Variants in CPEB3 observed in about 807,000 individuals in gnomAD.
The protein encoded by CPEB3 is cytoplasmic polyadenylation element binding protein 3.
CPEB3 carries 20 observed loss-of-function variants against 67.2 expected under a neutral mutation model. The ratio of observed to expected loss-of-function variants is 0.30; its 90% CI spans 0.21 to 0.43. The LOEUF (loss-of-function observed/expected upper bound fraction) is 0.43. Among genes scored for constraint, CPEB3 ranks in the 20% least tolerant of loss-of-function variants. The pLI is 1.00. For synonymous variants in CPEB3, 376 were observed against 393.1 expected (o/e 0.96, Z 0.51); for missense variants, 746 against 968.6 (o/e 0.77, Z 3.05).
intron 3 of CPEB3, among the ~76,000 whole-genome samples, chr10:92,182,261 C>T (rs1003623678): frequency 6.6e-6 from 1 of 152,164 alleles, no homozygotes; most frequent in Admixed American, 6.5e-5. Flanking sequence ...TTGATTTTTA[C>T]AACATACACA....
At chr10:92,198,450 A>G (rs1849345458) in intron 2 of CPEB3, among the ~76,000 whole-genome samples, 1 of 152,172 alleles carries the variant, frequency 6.6e-6, no homozygotes, top group Admixed American at 6.5e-5. Context: ...CTACCTCTAT[A>G]CAATCCCAGG....
At chr10:92,283,380 AT>A (rs1564932025) in intron 1 of CPEB3, among the ~76,000 whole-genome samples, 1 of 152,224 alleles carries the variant, frequency 6.6e-6, no homozygotes, top group Non-Finnish European at 1.5e-5. Context: ...TTTCTCATTT[AT>A]TCCTCCCAGG....
rs552159594 is a variant in CPEB3, at chr10:92,185,997, G to A, written c.1166-4978C>T. ...CCTAGTTTATTCACATACTAATAGC[G>A]GGTAATTTTTGGCAAGTTGTTAAAT... On this transcript the variant is annotated intron_variant, in intron 3 of 9. Transcript: ENST00000265997. 1.2e-4 allele frequency among the ~76,000 whole-genome samples: 18 copies of A among 151,960 alleles called. No individual in the cohort carries two copies. In the South Asian group the frequency reaches 3.3e-3, roughly 28 times the overall value.
At chr10:92,236,870 A>G (rs1431101888) in intron 2 of CPEB3, among the ~76,000 whole-genome samples, 1 of 152,242 alleles carries the variant, frequency 6.6e-6, no homozygotes, top group Non-Finnish European at 1.5e-5. Context: ...GCAGGGTAGA[A>G]TGGGTTTCTT....
chr10:92,248,034 C>A (rs1300897054), intron 1 of CPEB3, among the ~76,000 whole-genome samples: 1 of 152,152 alleles, frequency 6.6e-6, no homozygotes, highest in Non-Finnish European at 1.5e-5. Context: ...AAAAATACTT[C>A]ACAGAATTAA....
chr10:92,088,192 T>C, intron 8 of CPEB3, among the ~76,000 whole-genome samples: 1 of 151,996 alleles, frequency 6.6e-6, no homozygotes, highest in Non-Finnish European at 1.5e-5. Flanking sequence ...GCTTTTCTTT[T>C]CCTTTCTAGG....
intron 6 of CPEB3, among the ~76,000 whole-genome samples, chr10:92,128,942 C>T (rs1440510128): frequency 6.6e-6 from 1 of 152,186 alleles, no homozygotes; most frequent in Non-Finnish European, 1.5e-5. Flanking sequence ...GGCAATTCCT[C>T]AAAGACCTAA....
intron 2 of CPEB3, among the ~76,000 whole-genome samples, chr10:92,214,028 A>C (rs552618365): frequency 6.6e-6 from 1 of 152,304 alleles, no homozygotes; most frequent in African/African-American, 2.4e-5. Context: ...ACACATATTA[A>C]TCTCAAGTAA....
chr10:92,183,601 T>C (rs1848558863), intron 3 of CPEB3, among the ~76,000 whole-genome samples: 1 of 152,200 alleles, frequency 6.6e-6, no homozygotes, highest in Non-Finnish European at 1.5e-5. Context: ...CATCCTTTTC[T>C]GGGGTATTCA....
intron 2 of CPEB3, among the ~76,000 whole-genome samples, chr10:92,220,270 G>C (rs1850629114): frequency 6.6e-6 from 1 of 152,148 alleles, no homozygotes; most frequent in Non-Finnish European, 1.5e-5. Context: ...GTAACCACCT[G>C]AAGTATTAGC....
intron 7 of CPEB3, among the ~76,000 whole-genome samples, chr10:92,104,608 C>T (rs957555461): frequency 2.2e-4 from 33 of 152,006 alleles, no homozygotes; most frequent in Admixed American, 6.6e-4. Flanking sequence ...AGGACGGTCT[C>T]GATCTCCTGA....
intron 8 of CPEB3, among the ~76,000 whole-genome samples, chr10:92,087,080 T>C (rs1427777276): frequency 6.6e-6 from 1 of 152,228 alleles, no homozygotes; most frequent in Non-Finnish European, 1.5e-5. Flanking sequence ...GGTTATAATA[T>C]ACTCCTGTTT....
chr10:92,209,065 A>G (rs1254496129), intron 2 of CPEB3, among the ~76,000 whole-genome samples: 4 of 152,222 alleles, frequency 2.6e-5, no homozygotes, highest in Non-Finnish European at 5.9e-5. Context: ...TTGGCATATT[A>G]AAGTTCCCAG....
chr10:92,147,512 C>T (rs1382853102), intron 4 of CPEB3, among the ~76,000 whole-genome samples: 1 of 151,972 alleles, frequency 6.6e-6, no homozygotes, highest in Non-Finnish European at 1.5e-5. Context: ...AACCCTTTAC[C>T]ATACAAAACT....
chr10:92,240,551 AAG>A (rs1162421824), intron 1 of CPEB3, among the ~76,000 whole-genome samples, 190 bp from the exon 2 acceptor site: 1 of 152,332 alleles, frequency 6.6e-6, no homozygotes, highest in East Asian at 1.9e-4. Flanking sequence ...GGTGTCGAGC[AAG>A]GTCTCTAAAA....
At chr10:92,232,572 C>T (rs1439930982) in intron 2 of CPEB3, among the ~76,000 whole-genome samples, 1 of 151,316 alleles carries the variant, frequency 6.6e-6, no homozygotes, top group African/African-American at 2.4e-5. Flanking sequence ...GCCTGGCCAA[C>T]ATAGTGAAAC....
intron 1 of CPEB3, among the ~76,000 whole-genome samples, chr10:92,289,269 G>A (rs1039308238): frequency 2.0e-5 from 3 of 151,976 alleles, no homozygotes; most frequent in African/African-American, 7.3e-5. Flanking sequence ...CAGGCGCGGT[G>A]GCTCGCCCCT....
chr10:92,157,571 G>C (rs923115193), intron 4 of CPEB3, among the ~76,000 whole-genome samples: 3 of 152,096 alleles, frequency 2.0e-5, no homozygotes, highest in Non-Finnish European at 4.4e-5. Flanking sequence ...AGGGGTCCAA[G>C]CAAGTGAGAG....
intron 2 of CPEB3, among the ~76,000 whole-genome samples, chr10:92,194,880 A>C (rs559987515): frequency 9.1e-4 from 138 of 152,062 alleles, no homozygotes; most frequent in Non-Finnish European, 1.7e-3. Context: ...TCTCTACTAA[A>C]AAATATACAA....
Sources: gnomAD v4.1 joint callset for allele counts (sites outside exome capture counted in the v4.1 genomes callset) on GRCh38, gnomAD v4.1.1 for gene constraint, MANE v1.5 for transcripts, NCBI Gene and HGNC (gene_info 2026-07-23, HGNC 2026-07-21) for gene names.